VOPP1: variants seen among roughly 807,000 people sequenced by gnomAD.
The protein encoded by VOPP1 is VOPP1 WW domain binding protein.
VOPP1 carries 8 observed loss-of-function variants against 23.5 expected under a neutral mutation model. The observed-to-expected ratio is 0.34, with a 90% CI of 0.20 to 0.61. VOPP1 has a LOEUF of 0.61. Ranked by LOEUF, VOPP1 falls within the 20% of genes least tolerant of loss-of-function variation. VOPP1 has a pLI of 0.78. For synonymous variants in VOPP1, 83 were observed against 97.3 expected (o/e 0.85, Z 0.86); for missense variants, 174 against 238.1 (o/e 0.73, Z 1.77).
chr7:55,506,087 G>A (rs566094169), intron 2 of VOPP1, among the ~76,000 whole-genome samples: 4 of 152,214 alleles, frequency 2.6e-5, no homozygotes, highest in Admixed American at 6.5e-5. Context: ...CCATTGCTCT[G>A]GCGACTGTCC....
rs1337120671 is a variant in VOPP1, at chr7:55,525,807, A to C, written c.55-4677T>G. Among the ~76,000 whole-genome samples the C allele has an allele frequency of 4.0e-5, 6 of 151,874 alleles. No individual in the cohort carries two copies. In the South Asian group the frequency reaches 8.3e-4, roughly 21 times the overall value. Reference sequence around the variant, plus strand: ...ACCTCTCTAAAAAAAAAAAAAAAAAAAAAAAAAAACCTTAAAATGTATGGA... The same window carrying C: ...ACCTCTCTAAAAAAAAAAAAAAAAACAAAAAAAAACCTTAAAATGTATGGA... On this transcript the variant is annotated intron_variant, in intron 1 of 4. Transcript: ENST00000285279.
intron 1 of VOPP1, among the ~76,000 whole-genome samples, chr7:55,525,719 T>C (rs1380683448): frequency 6.9e-6 from 1 of 144,604 alleles, no homozygotes; most frequent in African/African-American, 2.6e-5. Flanking sequence ...ACAAAGGTTC[T>C]AAATATGTAA....
intron 3 of VOPP1, among the ~76,000 whole-genome samples, 173 bp downstream of exon 3, chr7:55,497,440 C>T (rs117946845): frequency 0.012 from 1,784 of 152,154 alleles, 11 homozygotes; most frequent in Middle Eastern, 0.02. Context: ...AAACCCCATG[C>T]GTGCAACTGC....
chr7:55,527,624 G>T (rs1419924381), intron 1 of VOPP1, among the ~76,000 whole-genome samples: 1 of 152,092 alleles, frequency 6.6e-6, no homozygotes, highest in African/African-American at 2.4e-5. Flanking sequence ...CATTCCAGTA[G>T]GTAAAAAGCC....
intron 4 of VOPP1, among the ~76,000 whole-genome samples, chr7:55,457,767 G>A (rs1459029063): frequency 1.3e-5 from 2 of 151,926 alleles, no homozygotes; most frequent in Non-Finnish European, 2.9e-5. Context: ...TTTGAGAAAT[G>A]TCTCTTCATG....
intron 4 of VOPP1, among the ~76,000 whole-genome samples, chr7:55,451,872 A>G (rs1245887995): frequency 6.6e-6 from 1 of 152,180 alleles, no homozygotes. Flanking sequence ...TTGCTGGTGG[A>G]GGGTGTTTTC....
downstream of VOPP1, among the ~76,000 whole-genome samples, chr7:55,435,033 C>T (rs1378935810): frequency 6.6e-6 from 1 of 152,216 alleles, no homozygotes; most frequent in East Asian, 1.9e-4. Flanking sequence ...AGTCCAGGTT[C>T]CCTAAGACGT....
chr7:55,520,311 A>T (rs2129040962), intron 2 of VOPP1, among the ~76,000 whole-genome samples: 1 of 152,294 alleles, frequency 6.6e-6, no homozygotes, highest in South Asian at 2.1e-4. Flanking sequence ...TTCAATACTA[A>T]AAATAATAGA....
At chr7:55,448,539 C>G (rs1408816927) in intron 4 of VOPP1, among the ~76,000 whole-genome samples, 1 of 142,502 alleles carries the variant, frequency 7.0e-6, no homozygotes, top group Non-Finnish European at 1.5e-5. Flanking sequence ...CGCTCGAGCC[C>G]CGGTCCTGGC....
intron 1 of VOPP1, among the ~76,000 whole-genome samples, chr7:55,564,669 C>T (rs909351748): frequency 1.5e-4 from 23 of 152,098 alleles, no homozygotes; most frequent in African/African-American, 5.1e-4. Flanking sequence ...ATAAGGAAAC[C>T]CTCCCTCCTG....
At chr7:55,447,839 G>A (rs774846102) in intron 4 of VOPP1, among the ~76,000 whole-genome samples, 13 of 152,134 alleles carry the variant, frequency 8.5e-5, no homozygotes, top group Non-Finnish European at 1.8e-4. Context: ...GGTGGTTTGT[G>A]TAGGTGGTGA....
chr7:55,462,822 AT>A (rs1427222129), intron 4 of VOPP1, among the ~76,000 whole-genome samples: 1 of 148,178 alleles, frequency 6.7e-6, no homozygotes, highest in Non-Finnish European at 1.5e-5. Flanking sequence ...CGCCCAGCTA[AT>A]TTTTTTGTAT....
At chr7:55,464,440 G>A (rs1791583786) in intron 4 of VOPP1, among the ~76,000 whole-genome samples, 1 of 152,098 alleles carries the variant, frequency 6.6e-6, no homozygotes, top group East Asian at 1.9e-4. Context: ...GTCCCTTGAA[G>A]GTATCTGCAG....
intron 2 of VOPP1, among the ~76,000 whole-genome samples, chr7:55,502,421 T>G (rs1794431767): frequency 6.6e-6 from 1 of 152,216 alleles, no homozygotes; most frequent in South Asian, 2.1e-4. Context: ...CCCTTTATGC[T>G]CCTTCCATGA....
chr7:55,531,339 C>G (rs1034681251), intron 1 of VOPP1, among the ~76,000 whole-genome samples: 3 of 144,322 alleles, frequency 2.1e-5, no homozygotes, highest in East Asian at 4.2e-4. Flanking sequence ...TCCTTAAAGG[C>G]CTAATCCAGA....
At chr7:55,474,624 T>C (rs1792095739) in intron 4 of VOPP1, among the ~76,000 whole-genome samples, 2 of 152,194 alleles carry the variant, frequency 1.3e-5, no homozygotes. Context: ...TCTGCAAGAA[T>C]TAGCGCCTTA....
intron 4 of VOPP1, among the ~76,000 whole-genome samples, chr7:55,453,968 TAAG>T (rs760697962): frequency 1.3e-5 from 2 of 152,190 alleles, no homozygotes; most frequent in Admixed American, 1.3e-4. Context: ...ATTTTGAACA[TAAG>T]AAGTAGAGAA....
chr7:55,460,476 G>A (rs1791471537), intron 4 of VOPP1, among the ~76,000 whole-genome samples: 1 of 152,094 alleles, frequency 6.6e-6, no homozygotes, highest in Admixed American at 6.6e-5. Context: ...TAGGTGATCT[G>A]TTAAAAATGC....
At chr7:55,450,531 A>G (rs1791217260) in intron 4 of VOPP1, among the ~76,000 whole-genome samples, 1 of 152,144 alleles carries the variant, frequency 6.6e-6, no homozygotes, top group African/African-American at 2.4e-5. Flanking sequence ...AACATTTCTC[A>G]CTCACATACT....
Sources: gnomAD v4.1 joint callset for allele counts (sites outside exome capture counted in the v4.1 genomes callset) on GRCh38, gnomAD v4.1.1 for gene constraint, MANE v1.5 for transcripts, NCBI Gene and HGNC (gene_info 2026-07-23, HGNC 2026-07-21) for gene names.